ACSM1: variants seen among roughly 807,000 people sequenced by gnomAD.
ACSM1 encodes acyl-CoA synthetase medium chain family member 1.
Under a neutral mutation model 75.8 loss-of-function variants are expected in ACSM1, and 79 were observed. That is an observed-to-expected ratio of 1.04 (90% confidence interval 0.87 to 1.26). The LOEUF (loss-of-function observed/expected upper bound fraction) is 1.26. Ranked by LOEUF, ACSM1 falls within the 50% of genes most tolerant of loss-of-function variation. ACSM1 has a pLI of 0.00. For missense variants in ACSM1, 676 were observed against 720.1 expected (o/e 0.94, Z 0.70); for synonymous variants, 279 against 265.8 (o/e 1.05, Z -0.48).
chr16:20,688,646 A>G (rs9929412), intron 2 of ACSM1, among the ~76,000 whole-genome samples: 2,710 of 152,226 alleles, frequency 0.018, 78 homozygotes, highest in African/African-American at 0.061. Flanking sequence ...AGAAAAAAAA[A>G]GCCAACCAAG....
chr16:20,639,736 G>A (rs1004215905), intron 8 of ACSM1, among the ~76,000 whole-genome samples: 7 of 152,116 alleles, frequency 4.6e-5, no homozygotes, highest in South Asian at 4.1e-4. Context: ...GCTGTGTCCC[G>A]CACATGTGGC....
intron 8 of ACSM1, 26 bp downstream of exon 8, chr16:20,640,435 G>A (rs893607442): frequency 6.2e-6 from 10 of 1,613,622 alleles, no homozygotes; most frequent in African/African-American, 2.7e-5. Flanking sequence ...ACCTGTCTCA[G>A]ACACTTTCTG....
chr16:20,688,119 G>A (rs1324667320), intron 2 of ACSM1, among the ~76,000 whole-genome samples: 1 of 151,398 alleles, frequency 6.6e-6, no homozygotes, highest in Non-Finnish European at 1.5e-5. Context: ...AACAATATTT[G>A]GAGCTGAAAA....
chr16:20,625,518 G>A lies in ACSM1; in HGVS notation c.1432C>T (p.Arg478Cys), dbSNP rs905851561. Residue 478 changes from arginine (R) to cysteine (C), a missense_variant, in exon 12 of 14, where the codon CGC becomes TGC. Arg to Cys is a radical substitution (Grantham distance 180). Coordinates refer to ENST00000520010, the MANE Select transcript of ACSM1 (RefSeq NM_001318890.3). ...CTTTCAACCTCTGCAGGCCCGATGCGATACCTGGAGGATGAAGGGTTCTGA... is the reference window on the plus strand; with the variant it reads ...CTTTCAACCTCTGCAGGCCCGATGCAATACCTGGAGGATGAAGGGTTCTGA... ...SDDIINASGY[R>C]IGPAEVESAL... is the part of the protein sequence containing the mutation. The A allele has an allele frequency of 5.0e-6, 8 of 1,613,760 alleles. No individual in the cohort carries two copies. Among genetic ancestry groups the A allele is most frequent in the African/African-American group, 1.3e-5 (1 of 75,054 alleles).
intron 5 of ACSM1, among the ~76,000 whole-genome samples, chr16:20,670,337 C>T (rs1178933346): frequency 6.6e-6 from 1 of 152,180 alleles, no homozygotes; most frequent in Non-Finnish European, 1.5e-5. Flanking sequence ...ATCTGGTCCA[C>T]TCTATTTCCT....
At position 20,670,026 on chromosome 16, in the gene ACSM1, G is replaced by T. The variant is rs761617200; in HGVS notation, c.753-40C>A. 4.4e-6 allele frequency: 7 copies of T among 1,606,836 alleles called. No homozygotes were observed. The Admixed American group carries it at 1.2e-4, about 27-fold the overall frequency. ...CAGTGGCCTCAGCTGTGTGATCATG[G>T]CTGATGTGATGAAGGGCTGTGCACT... On this transcript the variant is annotated intron_variant, in intron 5 of 13. Transcript: ENST00000520010.
chr16:20,678,121 C>T (rs920914599), intron 4 of ACSM1, among the ~76,000 whole-genome samples: 1 of 152,110 alleles, frequency 6.6e-6, no homozygotes, highest in Non-Finnish European at 1.5e-5. Flanking sequence ...CAGAGATTCC[C>T]CTTCTGTAGA....
At chr16:20,660,996 T>C (rs979428614) in intron 7 of ACSM1, among the ~76,000 whole-genome samples, 3 of 152,174 alleles carry the variant, frequency 2.0e-5, no homozygotes, top group Non-Finnish European at 2.9e-5. Flanking sequence ...GAAGCATAAA[T>C]TGGTTTGGAA....
intron 2 of ACSM1, among the ~76,000 whole-genome samples, chr16:20,687,625 C>T (rs1027442669): frequency 7.9e-5 from 12 of 151,990 alleles, no homozygotes; most frequent in African/African-American, 2.9e-4. Context: ...CAGAAACAAA[C>T]CCTAAATAAA....
chr16:20,672,705 A>G (rs1271108837), intron 4 of ACSM1, among the ~76,000 whole-genome samples: 4 of 127,088 alleles, frequency 3.1e-5, no homozygotes, highest in African/African-American at 9.5e-5. Flanking sequence ...AAGTATATAT[A>G]TACATATACA....
intron 2 of ACSM1, among the ~76,000 whole-genome samples, chr16:20,690,510 T>G (rs2079633716): frequency 6.6e-6 from 1 of 152,208 alleles, no homozygotes; most frequent in African/African-American, 2.4e-5. Context: ...GCCATCCTCA[T>G]GGGAAGATGG....
Position 20,697,677 on chromosome 16 carries a change from G to C in ACSM1, c.-93C>G, listed in dbSNP as rs1201897807. On this transcript the variant is annotated 5_prime_UTR_variant, in exon 1 of 14. Coordinates refer to ENST00000520010, the MANE Select transcript of ACSM1 (RefSeq NM_001318890.3). ...CGTAGCTGAACTAGGTCCCTGGTAG[G>C]TATGGAAAAGGAGGTTGAGCTCTCT... 6.6e-6 allele frequency: 1 copy of C among 152,094 alleles called. No individual in the cohort carries two copies. Among genetic ancestry groups the C allele is most frequent in the Non-Finnish European group, 1.5e-5 (1 of 68,114 alleles). The allele number at this position is 152,094 out of a possible 1,614,324, so 9.4% of individuals were successfully genotyped here.
intron 7 of ACSM1, among the ~76,000 whole-genome samples, chr16:20,645,077 G>C (rs1379145545): frequency 6.6e-6 from 1 of 152,202 alleles, no homozygotes; most frequent in Non-Finnish European, 1.5e-5. Context: ...CAGGAACCTA[G>C]CCCAGCTCTA....
chr16:20,647,962 T>C (rs1459879250), intron 7 of ACSM1, among the ~76,000 whole-genome samples: 1 of 152,202 alleles, frequency 6.6e-6, no homozygotes, highest in East Asian at 1.9e-4. Flanking sequence ...CTCCTCATTC[T>C]CACCACCTGT....
rs750256616 is a variant in ACSM1, at chr16:20,623,544, G to A, written c.1676C>T (p.Thr559Ile). The A allele has an allele frequency of 1.9e-6, 3 of 1,614,120 alleles. No individual in the cohort carries two copies. Among genetic ancestry groups the A allele is most frequent in the Non-Finnish European group, 2.5e-6 (3 of 1,180,004 alleles). Reference protein sequence around the residue: ...KVEFVSELPKTITGKIERKEL... With the variant: ...KVEFVSELPKIITGKIERKEL... ...CTTCCGTTCAATCTTGCCAGTGATG[G>A]TTTTTGGCAGCTCTGAGACAAACTC... is the stretch of plus-strand genomic sequence containing the variant. Residue 559 changes from threonine to isoleucine, a missense_variant, in exon 14 of 14, where the codon ACC (threonine) becomes ATC (isoleucine). Physicochemically the swap from Thr to Ile is moderately conservative, Grantham distance 89. Coordinates refer to ENST00000520010, the MANE Select transcript of ACSM1 (RefSeq NM_001318890.3).
intron 4 of ACSM1, chr16:20,674,091 A>T: frequency 2.2e-6 from 1 of 451,048 alleles, no homozygotes; most frequent in Non-Finnish European, 4.5e-6. Flanking sequence ...AGTGAATGGC[A>T]TTCTTCTACC....
chr16:20,629,113 C>T (rs901960635), intron 10 of ACSM1, among the ~76,000 whole-genome samples: 1 of 152,140 alleles, frequency 6.6e-6, no homozygotes, highest in Non-Finnish European at 1.5e-5. Context: ...AGGATCAGAG[C>T]TTCCAATGAG....
intron 7 of ACSM1, among the ~76,000 whole-genome samples, chr16:20,657,070 T>C (rs1271473481): frequency 6.6e-6 from 1 of 152,146 alleles, no homozygotes; most frequent in Non-Finnish European, 1.5e-5. Flanking sequence ...CCCTCCTGGG[T>C]ATAATACTGC....
chr16:20,683,701 T>TTCTC (rs1201861529), intron 3 of ACSM1, among the ~76,000 whole-genome samples: 18 of 65,420 alleles, frequency 2.8e-4, no homozygotes, highest in East Asian at 1.3e-3. Context: ...CTTTCTTTCT[T>TTCTC]TCTCTCTCTC....
Sources: gnomAD v4.1 joint callset for allele counts (sites outside exome capture counted in the v4.1 genomes callset) on GRCh38, gnomAD v4.1.1 for gene constraint, MANE v1.5 for transcripts, NCBI Gene and HGNC (gene_info 2026-07-23, HGNC 2026-07-21) for gene names.